The following ZZEF1 variants were observed in gnomAD, a reference collection of about 807,000 sequenced individuals.
ZZEF1 encodes the protein zinc finger ZZ-type and EF-hand domain containing 1.
A neutral mutation model predicts 342.8 loss-of-function variants in ZZEF1; 157 were observed. That is an observed-to-expected ratio of 0.46 (90% CI 0.40 to 0.52). The LOEUF (loss-of-function observed/expected upper bound fraction) is 0.52, where lower values mean the gene tolerates loss of function less well. ZZEF1 is among the 20% of genes least tolerant of loss of function. ZZEF1 has a pLI of 0.00. For synonymous variants in ZZEF1, 1,505 were observed against 1,429.1 expected, an observed-to-expected ratio of 1.05 and a Z score of -1.20; for missense variants, 3,480 against 3,725.6, an observed-to-expected ratio of 0.93 and a Z score of 1.72.
Position 4,082,479 on chromosome 17 carries a change from T to G in ZZEF1, c.2672A>C (p.Gln891Pro), listed in dbSNP as rs2057742676. The G allele has an allele frequency of 1.2e-6, 2 of 1,614,164 alleles. No homozygotes were observed. The highest frequency in any genetic ancestry group is 8.5e-7 in the Non-Finnish European group (1 of 1,180,010). ...TGAACGGAAAGTGAGCTGCAGGGAC[T>G]GCTTGTGCTCCTGCTCGGTGACATT... Reference protein sequence around the residue: ...MMNVTEQEHKQSLQLTFRSLC... With the variant: ...MMNVTEQEHKPSLQLTFRSLC... The change falls in exon 17 of 55, where the codon CAG (glutamine) becomes CCG (proline). Residue 891 changes from glutamine (Q) to proline (P), a missense_variant. This residue lies in a region of ZZEF1 where 1,528 missense variants were observed against 1,624.1 expected (regional missense o/e 0.94). Coordinates refer to ENST00000381638, the MANE Select transcript of ZZEF1 (RefSeq NM_015113.4).
intron 54 of ZZEF1, among the ~76,000 whole-genome samples, chr17:4,007,898 C>T (rs1023331258): frequency 6.6e-6 from 1 of 151,788 alleles, no homozygotes; most frequent in Non-Finnish European, 1.5e-5. Flanking sequence ...CTGGGTGTCC[C>T]GGCTGGGTGT....
At chr17:4,087,783 AACACACACACACACACACACACAC>A (rs10522603) in intron 13 of ZZEF1, among the ~76,000 whole-genome samples, 7 of 145,970 alleles carry the variant, frequency 4.8e-5, no homozygotes, top group South Asian at 2.1e-4. Flanking sequence ...ATATACACAC[AACACACACACACACACACACACAC>A]ACACACACAC....
chr17:4,142,670 G>A lies in ZZEF1; in HGVS notation c.226C>T (p.His76Tyr), dbSNP rs747536896. The A allele has an allele frequency of 1.2e-6, 2 of 1,607,408 alleles. No homozygotes were observed. Among genetic ancestry groups the A allele is most frequent in the Non-Finnish European group, 8.5e-7 (1 of 1,179,662 alleles). ...AGCCAGCGAAACAACGCGCCGCGAT[G>A]CCTCGACACCAGCGACTCGCAGGGG... is the stretch of plus-strand genomic sequence containing the variant. ...TPPCESLVSR[H>Y]RGALFRWLEE... Residue 76 changes from histidine (H) to tyrosine (Y), a missense_variant, in exon 1 of 55, where the codon CAT (histidine) becomes TAT (tyrosine). By Grantham distance (83) the His-to-Tyr change is moderately conservative. Coordinates refer to ENST00000381638, the MANE Select transcript of ZZEF1 (RefSeq NM_015113.4).
intron 5 of ZZEF1, among the ~76,000 whole-genome samples, chr17:4,111,113 A>T (rs1301663833): frequency 2.6e-5 from 4 of 152,250 alleles, no homozygotes; most frequent in Non-Finnish European, 5.9e-5. Context: ...ACATTTTTGT[A>T]AAAAGATATG....
intron 2 of ZZEF1, among the ~76,000 whole-genome samples, chr17:4,122,520 C>T (rs1336116064): frequency 6.6e-6 from 1 of 152,012 alleles, no homozygotes; most frequent in African/African-American, 2.4e-5. Context: ...GCTGGGATTA[C>T]AGGCATGCAC....
intron 5 of ZZEF1, 117 bp from the exon 6 acceptor site, chr17:4,109,980 C>G: frequency 1.1e-6 from 1 of 885,336 alleles, no homozygotes; most frequent in Non-Finnish European, 1.7e-6. Context: ...TGAAGGTACA[C>G]TTTGATGACA....
At chr17:4,065,247 A>C (rs1369979852) in intron 28 of ZZEF1, among the ~76,000 whole-genome samples, 2 of 152,074 alleles carry the variant, frequency 1.3e-5, no homozygotes, top group Non-Finnish European at 2.9e-5. Context: ...AAAACAATAA[A>C]TTAACCAGAC....
intron 23 of ZZEF1, 58 bp downstream of exon 23, chr17:4,075,039 G>T: frequency 6.3e-7 from 1 of 1,576,480 alleles, no homozygotes; most frequent in South Asian, 1.1e-5. Context: ...CCTGAAGGCT[G>T]ACAAAAGGAA....
chr17:4,139,252 A>C (rs144207835), intron 1 of ZZEF1, among the ~76,000 whole-genome samples: 4,133 of 151,926 alleles, frequency 0.027, 124 homozygotes, highest in African/African-American at 0.08. Flanking sequence ...TCCTCAAATA[A>C]CTGAGGTCAC....
chr17:4,053,942 T>C, intron 34 of ZZEF1, 115 bp downstream of exon 34: 3 of 1,202,154 alleles, frequency 2.5e-6, no homozygotes, highest in Non-Finnish European at 3.4e-6. Context: ...TCAGAGAAAA[T>C]ACCACTGGGC....
intron 3 of ZZEF1, among the ~76,000 whole-genome samples, chr17:4,116,565 T>C (rs1001146225): frequency 3.3e-5 from 5 of 152,198 alleles, no homozygotes; most frequent in African/African-American, 2.4e-5. Context: ...CAAATACTCA[T>C]TGAATACCTA....
chr17:4,012,660 A>G (rs1326448953), intron 52 of ZZEF1, among the ~76,000 whole-genome samples: 1 of 152,232 alleles, frequency 6.6e-6, no homozygotes, highest in Non-Finnish European at 1.5e-5. Context: ...TCCTCCCTAT[A>G]GCGCAAAAGG....
chr17:4,057,860 G>A (rs1597826078), intron 32 of ZZEF1, 134 bp downstream of exon 32: 1 of 846,766 alleles, frequency 1.2e-6, no homozygotes, highest in Non-Finnish European at 1.8e-6. Flanking sequence ...AAGGCCACTC[G>A]GCTAGGATGT....
Position 4,097,251 on chromosome 17 carries a change from C to CAA in ZZEF1, c.1673-553_1673-552dup, listed in dbSNP as rs11322795. On this transcript the variant is annotated intron_variant, in intron 9 of 54. Coordinates refer to ENST00000381638, the MANE Select transcript of ZZEF1 (RefSeq NM_015113.4). ...TGGGCAACAGAGTGAAACTCCGTCT[C>CAA]AAAAAAAAAAAAGAAAAAGAAAAAG... Among the ~76,000 whole-genome samples the CAA allele has an allele frequency of 4.3e-3, 586 of 137,280 alleles. 3 individuals carry two copies. The highest frequency in any genetic ancestry group is 0.011 in the East Asian group (53 of 4,834). 90.1% of individuals were successfully genotyped at this position (137,280 alleles called of 152,430 possible).
rs200277679 is a variant in ZZEF1 at position 4,056,167 on chromosome 17, C to T, written c.5295+49G>A. The T allele has an allele frequency of 7.1e-5, 104 of 1,465,222 alleles. 2 individuals are homozygous for T. The Admixed American group carries it at 1.5e-3, about 22-fold the overall frequency. The allele number at this position is 1,465,222 out of a possible 1,614,324, so 90.8% of individuals were successfully genotyped here. A position where few individuals can be genotyped will look rare whatever the true frequency, so the allele number is the denominator to read the frequency against. ...AACCCCCCCAGGCAAACTCTCCTCT[C>T]CAAACTCCTAGCAAATCACTTCAGA... On this transcript the variant is annotated intron_variant, in intron 33 of 54. Transcript: ENST00000381638.
intron 2 of ZZEF1, among the ~76,000 whole-genome samples, chr17:4,118,614 G>A (rs565924913): frequency 2.0e-5 from 3 of 152,102 alleles, no homozygotes; most frequent in South Asian, 4.1e-4. Flanking sequence ...GCAGCCTTTC[G>A]GGTCACTGGA....
chr17:4,135,266 A>G (rs2058730216), intron 1 of ZZEF1, among the ~76,000 whole-genome samples: 1 of 152,190 alleles, frequency 6.6e-6, no homozygotes, highest in African/African-American at 2.4e-5. Context: ...GCTTGAGCCC[A>G]GGAGCTCAAG....
chr17:4,067,787 G>A lies in ZZEF1; in HGVS notation c.4076-545C>T, dbSNP rs536383121. Among the ~76,000 whole-genome samples, 135 of 152,244 alleles carry A rather than the reference G, an allele frequency of 8.9e-4. 1 individual carries two copies. The highest frequency in any genetic ancestry group is 3.0e-3 in the African/African-American group (125 of 41,528). On this transcript the variant is annotated intron_variant, in intron 26 of 54. Coordinates refer to ENST00000381638, the MANE Select transcript of ZZEF1 (RefSeq NM_015113.4). ...CTTACTCTATCACCCAGGCTGGAGT[G>A]CAGTGGCACCATCATAGCTCCCTGC...
chr17:4,121,919 T>C (rs1318601892), intron 2 of ZZEF1, among the ~76,000 whole-genome samples: 1 of 152,080 alleles, frequency 6.6e-6, no homozygotes, highest in Non-Finnish European at 1.5e-5. Flanking sequence ...GGTCTCACTA[T>C]GCTGCCCTGG....
Sources: gnomAD v4.1 joint callset for allele counts (sites outside exome capture counted in the v4.1 genomes callset) on GRCh38, gnomAD v4.1.1 for gene constraint, gnomAD v4.1.1 regional missense constraint, MANE v1.5 for transcripts, NCBI Gene and HGNC (gene_info 2026-07-23, HGNC 2026-07-21) for gene names.